CEP112: variants seen among roughly 807,000 people sequenced by gnomAD.
CEP112 encodes the protein centrosomal protein of 112 kDa.
A neutral mutation model predicts 153.0 loss-of-function variants in CEP112; 127 were observed. The ratio of observed to expected loss-of-function variants is 0.83; its 90% confidence interval spans 0.72 to 0.96. The LOEUF (loss-of-function observed/expected upper bound fraction) is 0.96. CEP112 is among the 40% of genes least tolerant of loss of function. The pLI is 0.00. For synonymous variants in CEP112, 358 were observed against 374.4 expected, an observed-to-expected ratio of 0.96 and a Z score of 0.51; for missense variants, 1,089 against 1,101.2, an observed-to-expected ratio of 0.99 and a Z score of 0.16.
chr17:65,979,588 A>G (rs1006046074), intron 17 of CEP112, among the ~76,000 whole-genome samples: 1 of 152,116 alleles, frequency 6.6e-6, no homozygotes, highest in Admixed American at 6.5e-5. Context: ...GTATCACACA[A>G]ATTATTATAT....
chr17:65,711,180 T>C (rs2049165012), intron 23 of CEP112, among the ~76,000 whole-genome samples: 1 of 152,204 alleles, frequency 6.6e-6, no homozygotes, highest in Non-Finnish European at 1.5e-5. Flanking sequence ...TCAACTGTCA[T>C]ACGATCAATT....
chr17:65,722,174 T>C (rs557216414), intron 23 of CEP112, among the ~76,000 whole-genome samples: 1 of 152,266 alleles, frequency 6.6e-6, no homozygotes, highest in South Asian at 2.1e-4. Flanking sequence ...TACCCTCAGG[T>C]GGGCTTAAGA....
chr17:65,795,488 C>G (rs1193148679), intron 21 of CEP112, among the ~76,000 whole-genome samples: 1 of 152,154 alleles, frequency 6.6e-6, no homozygotes, highest in Non-Finnish European at 1.5e-5. Flanking sequence ...TGGTTTCTTA[C>G]AAGTACTATA....
At chr17:66,165,029 G>A (rs903033143) in intron 4 of CEP112, among the ~76,000 whole-genome samples, 10 of 149,580 alleles carry the variant, frequency 6.7e-5, no homozygotes, top group Non-Finnish European at 1.3e-4. Flanking sequence ...ACCAAAAAAG[G>A]GAGCTGCCCG....
At chr17:65,736,135 T>C (rs1193950476) in intron 23 of CEP112, among the ~76,000 whole-genome samples, 3 of 152,074 alleles carry the variant, frequency 2.0e-5, no homozygotes, top group African/African-American at 4.8e-5. Flanking sequence ...ACCTAGAAGG[T>C]AGGATCTAGT....
chr17:66,036,835 A>G (rs1371011806), intron 12 of CEP112, among the ~76,000 whole-genome samples: 3 of 152,238 alleles, frequency 2.0e-5, no homozygotes, highest in Non-Finnish European at 4.4e-5. Context: ...ATATCATTTC[A>G]AAACATAAAG....
At chr17:66,099,670 T>C (rs192638803) in intron 6 of CEP112, among the ~76,000 whole-genome samples, 1 of 152,126 alleles carries the variant, frequency 6.6e-6, no homozygotes. Flanking sequence ...AATCACTGGC[T>C]ATTACTTGTT....
chr17:65,882,620 A>G (rs1224308159), intron 20 of CEP112, among the ~76,000 whole-genome samples: 1 of 152,218 alleles, frequency 6.6e-6, no homozygotes. Flanking sequence ...CAGGTGCTCT[A>G]GTAGGTTATT....
In CEP112 at chr17:65,937,710, C is replaced by T. The variant is rs567559329; in HGVS notation, c.1873-10021G>A. Among the ~76,000 whole-genome samples the T allele has an allele frequency of 2.1e-3, 185 of 89,982 alleles. 40 individuals carry two copies. Among genetic ancestry groups the T allele is most frequent in the Non-Finnish European group, 1.1e-3 (51 of 44,576 alleles). The allele number at this position is 89,982 out of a possible 152,430, so 59.0% of individuals were successfully genotyped here. Reference sequence around the variant, plus strand: ...CCCTACTGGGAAGTGAGGAGCCCCCCGCCCGGCCAGCCGCCCAGTCTGGGA... The same window carrying T: ...CCCTACTGGGAAGTGAGGAGCCCCCTGCCCGGCCAGCCGCCCAGTCTGGGA... On this transcript the variant is annotated intron_variant, in intron 18 of 26. Coordinates refer to ENST00000535342, the MANE Select transcript of CEP112 (RefSeq NM_001199165.4).
chr17:65,890,201 G>A (rs955602858), intron 20 of CEP112, among the ~76,000 whole-genome samples: 2 of 152,144 alleles, frequency 1.3e-5, no homozygotes, highest in African/African-American at 4.8e-5. Context: ...GATAATAAGT[G>A]TAACAAGTGG....
At chr17:65,991,269 AT>A (rs2063584459) in intron 17 of CEP112, among the ~76,000 whole-genome samples, 1 of 152,166 alleles carries the variant, frequency 6.6e-6, no homozygotes, top group Admixed American at 6.5e-5. Flanking sequence ...ATCCAAGTTG[AT>A]TTCATACATG....
intron 12 of CEP112, among the ~76,000 whole-genome samples, chr17:66,040,090 TAA>T (rs2065906409): frequency 6.6e-6 from 1 of 152,206 alleles, no homozygotes; most frequent in Non-Finnish European, 1.5e-5. Context: ...ACCGCTGTCA[TAA>T]GATGTGCCTA....
chr17:65,662,425 CTCT>C (rs2046433002), intron 24 of CEP112, among the ~76,000 whole-genome samples: 1 of 152,132 alleles, frequency 6.6e-6, no homozygotes, highest in African/African-American at 2.4e-5. Flanking sequence ...TCAGGAATGT[CTCT>C]GTGCATTCTT....
intron 16 of CEP112, among the ~76,000 whole-genome samples, chr17:66,023,930 A>C (rs934952535): frequency 1.3e-5 from 2 of 152,132 alleles, no homozygotes; most frequent in Non-Finnish European, 2.9e-5. Flanking sequence ...TAAAATACTA[A>C]GAAATCAAGT....
At chr17:65,920,400 T>G (rs1341729892) in intron 19 of CEP112, among the ~76,000 whole-genome samples, 1 of 113,848 alleles carries the variant, frequency 8.8e-6, no homozygotes. Flanking sequence ...TATATATATA[T>G]ATATAATTAT....
chr17:66,126,651 T>C (rs2069865549), intron 6 of CEP112, among the ~76,000 whole-genome samples: 1 of 152,160 alleles, frequency 6.6e-6, no homozygotes, highest in Non-Finnish European at 1.5e-5. Context: ...TAAATAAATC[T>C]CTATTTGAAT....
At chr17:66,124,421 T>G (rs1256854705) in intron 6 of CEP112, among the ~76,000 whole-genome samples, 1 of 152,180 alleles carries the variant, frequency 6.6e-6, no homozygotes, top group African/African-American at 2.4e-5. Flanking sequence ...AAAAAAAGTA[T>G]ATAAAATGTT....
intron 17 of CEP112, among the ~76,000 whole-genome samples, chr17:65,962,874 G>C (rs543695793): frequency 1.3e-5 from 2 of 152,324 alleles, no homozygotes; most frequent in South Asian, 2.1e-4. Flanking sequence ...ACGTGGAACT[G>C]TAAGTCCATT....
intron 17 of CEP112, among the ~76,000 whole-genome samples, chr17:65,962,270 C>T (rs2062232554): frequency 6.6e-6 from 1 of 150,866 alleles, no homozygotes; most frequent in Non-Finnish European, 1.5e-5. Context: ...AATTATATCT[C>T]ATGTTTTTTT....
Sources: gnomAD v4.1 joint callset for allele counts (sites outside exome capture counted in the v4.1 genomes callset) on GRCh38, gnomAD v4.1.1 for gene constraint, MANE v1.5 for transcripts, NCBI Gene and HGNC (gene_info 2026-07-23, HGNC 2026-07-21) for gene names.